GALNT9: variants seen among roughly 807,000 people sequenced by gnomAD.
GALNT9 encodes GalNAc transferase 9.
GALNT9 carries 47 observed loss-of-function variants against 63.1 expected under a neutral mutation model. That is an observed-to-expected ratio of 0.75 (90% CI 0.59 to 0.95). The LOEUF is 0.95. Ranked by LOEUF, GALNT9 falls within the 40% of genes least tolerant of loss-of-function variation. The pLI, the probability that GALNT9 is intolerant of heterozygous loss-of-function variation, is 0.00. For missense variants in GALNT9, 829 were observed against 874.8 expected (o/e 0.95, Z 0.66); for synonymous variants, 396 against 365.7 (o/e 1.08, Z -0.94).
At chr12:132,247,262 A>G (rs1280964171) in intron 6 of GALNT9, among the ~76,000 whole-genome samples, 1 of 152,224 alleles carries the variant, frequency 6.6e-6, no homozygotes, top group East Asian at 1.9e-4. Flanking sequence ...TCTGTGCCGA[A>G]GGACCCACCT....
intron 6 of GALNT9, among the ~76,000 whole-genome samples, chr12:132,204,216 G>A (rs186252491): frequency 2.6e-5 from 4 of 152,334 alleles, no homozygotes; most frequent in Admixed American, 1.3e-4. Flanking sequence ...ACCCCCACGC[G>A]CAGCAGAAAC....
chr12:132,264,801 G>T (rs1555240061), intron 2 of GALNT9, among the ~76,000 whole-genome samples: 2 of 152,224 alleles, frequency 1.3e-5, no homozygotes, highest in African/African-American at 2.4e-5. Context: ...GGCAGGTGCG[G>T]CTCCTAGAAG....
intron 7 of GALNT9, among the ~76,000 whole-genome samples, chr12:132,202,904 T>C (rs1876278840): frequency 6.6e-6 from 1 of 152,060 alleles, no homozygotes; most frequent in South Asian, 2.1e-4. Flanking sequence ...AATCCTCAAC[T>C]TGAAGCGGGT....
chr12:132,288,463 T>G (rs1296907418), intron 1 of GALNT9, among the ~76,000 whole-genome samples: 1 of 152,234 alleles, frequency 6.6e-6, no homozygotes, highest in East Asian at 1.9e-4. Context: ...ATTTTTCACT[T>G]TGGAAAGTCT....
At chr12:132,203,393 C>A in intron 7 of GALNT9, 112 bp downstream of exon 7, 1 of 904,504 alleles carries the variant, frequency 1.1e-6, no homozygotes. Context: ...TGTCAACACA[C>A]CCACTCACAC....
chr12:132,197,370 A>G (rs1285080310), intron 10 of GALNT9, 117 bp from the exon 11 acceptor site: 2 of 1,448,214 alleles, frequency 1.4e-6, no homozygotes, highest in East Asian at 2.4e-5. Context: ...GGGCAGCTTG[A>G]ATGGAAAGCC....
At chr12:132,306,127 C>T (rs782739592) in intron 1 of GALNT9, among the ~76,000 whole-genome samples, 9 of 152,356 alleles carry the variant, frequency 5.9e-5, no homozygotes, top group Non-Finnish European at 8.8e-5. Flanking sequence ...CCAAACCTGC[C>T]GGGTCAGAGC....
At chr12:132,214,402 C>T (rs1877098448) in intron 6 of GALNT9, among the ~76,000 whole-genome samples, 1 of 152,228 alleles carries the variant, frequency 6.6e-6, no homozygotes, top group African/African-American at 2.4e-5. Flanking sequence ...AGGCCTGCCC[C>T]TCCCGGGTGA....
At chr12:132,228,643 C>A (rs1232829783) in intron 6 of GALNT9, among the ~76,000 whole-genome samples, 7 of 152,108 alleles carry the variant, frequency 4.6e-5, no homozygotes, top group African/African-American at 1.7e-4. Flanking sequence ...AGCCCCCCAG[C>A]GGAGTGGGGT....
At chr12:132,235,085 T>C (rs1419539525) in intron 6 of GALNT9, among the ~76,000 whole-genome samples, 48 of 53,688 alleles carry the variant, frequency 8.9e-4, no homozygotes, top group African/African-American at 2.3e-3. Flanking sequence ...CAGCGTGGAG[T>C]CCCTAGTGCC....
intron 1 of GALNT9, among the ~76,000 whole-genome samples, chr12:132,314,852 C>T (rs147894119): frequency 6.6e-6 from 1 of 152,360 alleles, no homozygotes; most frequent in African/African-American, 2.4e-5. Flanking sequence ...GCGGAACTAG[C>T]TTCCGTGCAG....
At chr12:132,269,756 G>A (rs1331195404) in intron 2 of GALNT9, among the ~76,000 whole-genome samples, 1 of 152,254 alleles carries the variant, frequency 6.6e-6, no homozygotes, top group Non-Finnish European at 1.5e-5. Flanking sequence ...GATCCCGGTG[G>A]GGTGGCACGT....
chr12:132,260,729 C>T (rs1167955018), intron 4 of GALNT9, among the ~76,000 whole-genome samples: 11 of 152,244 alleles, frequency 7.2e-5, no homozygotes, highest in African/African-American at 2.4e-4. Flanking sequence ...CCTGCCCTCC[C>T]GTGGTTTTGC....
chr12:132,323,189 G>A (rs1172146925), intron 1 of GALNT9, among the ~76,000 whole-genome samples: 3 of 152,060 alleles, frequency 2.0e-5, no homozygotes, highest in East Asian at 3.9e-4. Flanking sequence ...AGCCAATGAA[G>A]GATAAACTGT....
rs1880261612 is a variant in GALNT9, at chr12:132,279,795, G to A, written c.419+6455C>T. 6.6e-6 allele frequency: 1 copy of A among 152,218 alleles called. No homozygotes were observed. The highest frequency in any genetic ancestry group is 1.5e-5 in the Non-Finnish European group (1 of 68,098). The allele number at this position is 152,218 out of a possible 1,614,324, so 9.4% of individuals were successfully genotyped here. On this transcript the variant is annotated intron_variant, in intron 2 of 10. Coordinates refer to ENST00000328957, the MANE Select transcript of GALNT9 (RefSeq NM_001122636.2). This position sits in a 1 kb window ranked among gnomAD's most constrained non-coding sequence, Gnocchi z 4.1. ...ATGCCCAGTGTCCGCCGGGTCTCCT[G>A]GATTCACCGTGGTCACTGCCTGGAT...
At position 132,257,290 on chromosome 12, in the gene GALNT9, C is replaced by T. The variant is rs181730713; in HGVS notation, c.959+399G>A. The stretch of plus-strand genomic sequence containing the variant: ...TGGCTCCTGTGAACCCTGAGGGCTG[C>T]GTCTGCATCTCTGTGATACAGACAA... On this transcript the variant is annotated intron_variant, in intron 5 of 10. Coordinates refer to ENST00000328957, the MANE Select transcript of GALNT9 (RefSeq NM_001122636.2). 2.3e-3 allele frequency among the ~76,000 whole-genome samples: 347 copies of T among 152,242 alleles called. 2 individuals carry two copies. Among genetic ancestry groups the T allele is most frequent in the African/African-American group, 7.4e-3 (308 of 41,548 alleles).
chr12:132,297,066 C>T (rs548436899), intron 1 of GALNT9, among the ~76,000 whole-genome samples: 27 of 148,296 alleles, frequency 1.8e-4, no homozygotes, highest in Non-Finnish European at 3.3e-4. Context: ...TAACTCACTC[C>T]GAAGATGACC....
rs554066379 is a variant in GALNT9 at position 132,218,801 on chromosome 12, C to T, written c.1078-15111G>A. On this transcript the variant is annotated intron_variant, in intron 6 of 10. Coordinates refer to ENST00000328957, the MANE Select transcript of GALNT9 (RefSeq NM_001122636.2). Reference sequence around the variant, plus strand: ...GAGGCGAAGAAGGCAGTGGCCACAGCATTCCCACCCCAGGGCCAGCCGTTG... The same window carrying T: ...GAGGCGAAGAAGGCAGTGGCCACAGTATTCCCACCCCAGGGCCAGCCGTTG... Among the ~76,000 whole-genome samples, 598 of 152,246 alleles carry T rather than the reference C, an allele frequency of 3.9e-3. 3 individuals are homozygous for T. Among genetic ancestry groups the T allele is most frequent in the Admixed American group, 6.7e-3 (103 of 15,306 alleles).
At position 132,286,075 on chromosome 12, in the gene GALNT9, C is replaced by G. The variant is rs1298162862; in HGVS notation, c.419+175G>C. 1.3e-5 allele frequency among the ~76,000 whole-genome samples: 2 copies of G among 151,730 alleles called. No homozygotes were observed. The highest frequency in any genetic ancestry group is 2.4e-5 in the African/African-American group (1 of 41,302). ...ACGGGGGAGCGCTCACTTTCCCGGC[C>G]AGCGTGGGGGGCGGTCACTTCCCCG... On this transcript the variant is annotated intron_variant, in intron 2 of 10. Transcript: ENST00000328957. The surrounding 1 kb of genome is among the most constrained non-coding windows in gnomAD (Gnocchi z 7.4).
Sources: allele counts gnomAD v4.1 joint callset (sites outside exome capture counted in the v4.1 genomes callset), GRCh38; gene constraint gnomAD v4.1.1; non-coding constraint Gnocchi (gnomAD v3.1); transcripts MANE v1.5; gene names NCBI Gene and HGNC (gene_info 2026-07-23, HGNC 2026-07-21).